Variants in ZFAT observed in about 807,000 individuals in gnomAD.
The protein encoded by ZFAT is zinc finger protein ZFAT.
A neutral mutation model predicts 117.7 loss-of-function variants in ZFAT; 64 were observed. That is an observed-to-expected ratio of 0.54 (90% CI 0.44 to 0.67). The LOEUF is 0.67. Ranked by LOEUF, ZFAT falls within the 30% of genes least tolerant of loss-of-function variation. The pLI is 0.00. For missense variants in ZFAT, 1,433 were observed against 1,584.5 expected (o/e 0.90, Z 1.62); for synonymous variants, 679 against 615.0 (o/e 1.10, Z -1.54).
At chr8:134,504,947 C>T (rs925912479) in intron 15 of ZFAT, among the ~76,000 whole-genome samples, 1 of 152,166 alleles carries the variant, frequency 6.6e-6, no homozygotes, top group African/African-American at 2.4e-5. Flanking sequence ...CTGCTCAGCA[C>T]CTGCCCCCAC....
intron 15 of ZFAT, among the ~76,000 whole-genome samples, chr8:134,485,356 C>T (rs1282635486): frequency 6.6e-6 from 1 of 152,212 alleles, no homozygotes; most frequent in Non-Finnish European, 1.5e-5. Context: ...TCCCATTGGC[C>T]TCCTGCATTT....
At chr8:134,681,748 T>C (rs1027417523) in intron 1 of ZFAT, among the ~76,000 whole-genome samples, 5 of 152,208 alleles carry the variant, frequency 3.3e-5, no homozygotes, top group African/African-American at 1.2e-4. Context: ...GCAAATTCTT[T>C]CTGAGTTATA....
intron 2 of ZFAT, among the ~76,000 whole-genome samples, chr8:134,649,619 G>T (rs1831116183): frequency 6.6e-6 from 1 of 152,072 alleles, no homozygotes; most frequent in Non-Finnish European, 1.5e-5. Context: ...GCATCGAAAA[G>T]AATAGAATAC....
At chr8:134,668,161 T>G (rs1428793856) in intron 1 of ZFAT, among the ~76,000 whole-genome samples, 1 of 152,206 alleles carries the variant, frequency 6.6e-6, no homozygotes, top group Non-Finnish European at 1.5e-5. Context: ...TGCCTGCCTC[T>G]GCAGACTCCA....
the ZFAT span, among the ~76,000 whole-genome samples, chr8:134,729,132 C>A: frequency 1.8e-4 from 28 of 152,176 alleles, no homozygotes; most frequent in African/African-American, 6.0e-4. Context: ...GAACGCTGGC[C>A]TGTAATTTAT....
intron 10 of ZFAT, among the ~76,000 whole-genome samples, chr8:134,576,344 C>A (rs935153760): frequency 6.6e-6 from 1 of 152,094 alleles, no homozygotes; most frequent in East Asian, 1.9e-4. Flanking sequence ...TATTTGTGGG[C>A]CCTGAAATTA....
intron 2 of ZFAT, among the ~76,000 whole-genome samples, chr8:134,655,347 A>T (rs868015279): frequency 6.6e-6 from 1 of 152,160 alleles, no homozygotes; most frequent in African/African-American, 2.4e-5. Flanking sequence ...TTCATTTCCT[A>T]TTTATAAAAG....
At chr8:134,778,716 A>G in the ZFAT span, among the ~76,000 whole-genome samples, 1 of 152,248 alleles carries the variant, frequency 6.6e-6, no homozygotes, top group Non-Finnish European at 1.5e-5. Flanking sequence ...ATCAGGGCAG[A>G]TTTCTAGGAA....
chr8:134,567,858 G>C (rs1824589720), intron 10 of ZFAT, among the ~76,000 whole-genome samples: 1 of 152,158 alleles, frequency 6.6e-6, no homozygotes, highest in African/African-American at 2.4e-5. Flanking sequence ...CGCAGCATCT[G>C]GTCATTCTTC....
At chr8:134,768,058 T>C in the ZFAT span, among the ~76,000 whole-genome samples, 9 of 152,358 alleles carry the variant, frequency 5.9e-5, no homozygotes, top group South Asian at 1.9e-3. Flanking sequence ...TCATTCTGTA[T>C]ATAGGCATAC....
chr8:134,717,536 T>A (rs753738424), upstream of ZFAT, among the ~76,000 whole-genome samples: 45 of 129,830 alleles, frequency 3.5e-4, no homozygotes, highest in African/African-American at 5.1e-4. Flanking sequence ...CAGGCTGGAG[T>A]GCAGTTGTGC....
intron 10 of ZFAT, among the ~76,000 whole-genome samples, chr8:134,571,503 C>T (rs1459336248): frequency 6.6e-6 from 1 of 152,216 alleles, no homozygotes; most frequent in Non-Finnish European, 1.5e-5. Flanking sequence ...CTGTCAGCTG[C>T]AACCAAGAGT....
chr8:134,653,296 A>AAAAAC, intron 2 of ZFAT, among the ~76,000 whole-genome samples: 1 of 145,342 alleles, frequency 6.9e-6, no homozygotes, highest in Non-Finnish European at 1.5e-5. Flanking sequence ...AAAAAACAAA[A>AAAAAC]AACAGGGTCT....
chr8:134,825,791 C>T, the ZFAT span, among the ~76,000 whole-genome samples: 454 of 152,204 alleles, frequency 3.0e-3, no homozygotes, highest in African/African-American at 0.01. Context: ...GAGGACGAGG[C>T]GGGCGGATCA....
At position 134,629,224 on chromosome 8, in the gene ZFAT, G is replaced by T. The variant is rs558581697; in HGVS notation, c.448+8237C>A. On this transcript the variant is annotated intron_variant, in intron 3 of 15. Transcript: ENST00000377838. ...GAGGAGGATCATCAGTTGGGAGCTG[G>T]ATGAGTTTCGGATTGAACACACTGC... Among the ~76,000 whole-genome samples, 3 of 152,308 alleles carry T rather than the reference G, an allele frequency of 2.0e-5. No homozygotes were observed. In the South Asian group the frequency reaches 6.2e-4, roughly 32 times the overall value.
At chr8:134,774,583 T>G in the ZFAT span, among the ~76,000 whole-genome samples, 1 of 152,218 alleles carries the variant, frequency 6.6e-6, no homozygotes, top group Non-Finnish European at 1.5e-5. Context: ...ATATGTACAC[T>G]TTTTAGGTAT....
At chr8:134,513,473 G>A (rs1401484750) in intron 13 of ZFAT, among the ~76,000 whole-genome samples, 1 of 152,162 alleles carries the variant, frequency 6.6e-6, no homozygotes, top group Non-Finnish European at 1.5e-5. Flanking sequence ...ACGCTCGGCT[G>A]TGCCATTCTT....
intron 1 of ZFAT, among the ~76,000 whole-genome samples, chr8:134,664,462 T>A (rs569554928): frequency 6.6e-6 from 1 of 152,326 alleles, no homozygotes; most frequent in East Asian, 1.9e-4. Flanking sequence ...ATGCTGCTCC[T>A]ACCATTGCAA....
At chr8:134,491,269 C>T (rs907415573) in intron 15 of ZFAT, among the ~76,000 whole-genome samples, 4 of 152,224 alleles carry the variant, frequency 2.6e-5, no homozygotes, top group Non-Finnish European at 4.4e-5. Flanking sequence ...GAAAGCCCTC[C>T]GGCATCAGCG....
Sources: gnomAD v4.1 joint callset for allele counts (sites outside exome capture counted in the v4.1 genomes callset) on GRCh38, gnomAD v4.1.1 for gene constraint, MANE v1.5 for transcripts, NCBI Gene and HGNC (gene_info 2026-07-23, HGNC 2026-07-21) for gene names.